NKAIN2: variants seen among roughly 807,000 people sequenced by gnomAD.
The protein encoded by NKAIN2 is sodium/potassium transporting ATPase interacting 2, also known as sodium/potassium-transporting ATPase subunit beta-1-interacting protein 2.
In NKAIN2, 14 loss-of-function variants were observed where a neutral mutation model predicts 32.6. The ratio of observed to expected loss-of-function variants is 0.43; its 90% CI spans 0.28 to 0.67. NKAIN2 has a LOEUF of 0.67. Among genes scored for constraint, NKAIN2 ranks in the 30% least tolerant of loss-of-function variants. The pLI is 0.17. For synonymous variants in NKAIN2, 80 were observed against 87.2 expected (o/e 0.92, Z 0.46); for missense variants, 198 against 258.3 (o/e 0.77, Z 1.60).
rs184092310 is a variant in NKAIN2, at chr6:124,762,403, C to T, written c.475-28936C>T. Among the ~76,000 whole-genome samples, 386 of 152,190 alleles carry T rather than the reference C, an allele frequency of 2.5e-3. 4 individuals carry two copies. Among genetic ancestry groups the T allele is most frequent in the Non-Finnish European group, 4.3e-3 (293 of 67,994 alleles). On this transcript the variant is annotated intron_variant, in intron 4 of 6. Transcript: ENST00000368417. ...TAAAGGACACACCTCTAAATATAGT[C>T]ATATTCTGAGGTACTGGGCTGAGGG...
At chr6:123,849,571 C>T (rs994736818) in intron 1 of NKAIN2, among the ~76,000 whole-genome samples, 5 of 152,064 alleles carry the variant, frequency 3.3e-5, no homozygotes, top group African/African-American at 1.2e-4. Context: ...CATGAACTCC[C>T]TGCACTTTCC....
intron 3 of NKAIN2, among the ~76,000 whole-genome samples, chr6:124,627,149 A>T (rs1200698938): frequency 6.6e-6 from 1 of 152,072 alleles, no homozygotes; most frequent in Admixed American, 6.6e-5. Flanking sequence ...GCGCAGCTGT[A>T]ATCCCAGCTA....
chr6:124,107,620 C>T (rs757200134), intron 1 of NKAIN2, among the ~76,000 whole-genome samples: 17 of 152,056 alleles, frequency 1.1e-4, no homozygotes, highest in Non-Finnish European at 1.9e-4. Context: ...ATAGGCACAA[C>T]GTTGCATGCA....
chr6:124,755,036 T>C (rs1489847931), intron 4 of NKAIN2, among the ~76,000 whole-genome samples: 1 of 151,974 alleles, frequency 6.6e-6, no homozygotes, highest in Non-Finnish European at 1.5e-5. Context: ...CAAGGCGAAA[T>C]CCCATGATAG....
In NKAIN2 at chr6:124,520,203, G is replaced by GA. The variant is rs1191116479; in HGVS notation, c.274-137975dup. On this transcript the variant is annotated intron_variant, in intron 3 of 6. Transcript: ENST00000368417. ...GAATTTAGCTTCTAGGAAGAAATGG[G>GA]AAAAAAAAGAAAAGAAAAAGAGAGA... 7.3e-5 allele frequency among the ~76,000 whole-genome samples: 11 copies of GA among 151,598 alleles called. No homozygotes were observed. In the East Asian group the frequency reaches 1.9e-3, roughly 27 times the overall value.
At chr6:123,869,320 T>C (rs1036330069) in intron 1 of NKAIN2, among the ~76,000 whole-genome samples, 9 of 152,194 alleles carry the variant, frequency 5.9e-5, no homozygotes, top group Admixed American at 1.3e-4. Context: ...CATTAGCTCT[T>C]TTACAGCTAT....
Position 124,040,665 on chromosome 6 carries a change from A to C in NKAIN2, c.54+236411A>C, listed in dbSNP as rs950330412. Among the ~76,000 whole-genome samples the C allele has an allele frequency of 7.9e-5, 12 of 151,992 alleles. 1 individual carries two copies. Among genetic ancestry groups the C allele is most frequent in the Non-Finnish European group, 5.9e-5 (4 of 67,928 alleles). On this transcript the variant is annotated intron_variant, in intron 1 of 6. Transcript: ENST00000368417. ...GATATTATGGAATGAACACCAGATAACTATGATATAGGTGTTTTCAGGTAA... is the reference window on the plus strand; with the variant it reads ...GATATTATGGAATGAACACCAGATACCTATGATATAGGTGTTTTCAGGTAA...
intron 2 of NKAIN2, among the ~76,000 whole-genome samples, chr6:124,342,964 A>C (rs1399277720): frequency 6.8e-6 from 1 of 147,192 alleles, no homozygotes; most frequent in East Asian, 2.1e-4. Context: ...TATATCTCCT[A>C]ATGCTATCCC....
Position 124,465,264 on chromosome 6 carries a change from C to T in NKAIN2, c.273+109917C>T, listed in dbSNP as rs191032039. 7.3e-4 allele frequency among the ~76,000 whole-genome samples: 111 copies of T among 152,072 alleles called. 4 individuals carry two copies. The East Asian group carries it at 0.018, about 24-fold the overall frequency. On this transcript the variant is annotated intron_variant, in intron 3 of 6. Coordinates refer to ENST00000368417, the MANE Select transcript of NKAIN2 (RefSeq NM_001040214.3). ...CGATCAATGGTAGACTGGATAAAGA[C>T]AATGTGGCACATATACACCATGGAA...
intron 1 of NKAIN2, among the ~76,000 whole-genome samples, chr6:124,187,539 C>A (rs908957308): frequency 6.6e-6 from 1 of 152,042 alleles, no homozygotes; most frequent in African/African-American, 2.4e-5. Flanking sequence ...CTACTTTAGG[C>A]GTATTGAAGC....
intron 1 of NKAIN2, among the ~76,000 whole-genome samples, chr6:123,957,942 G>A (rs1462804812): frequency 6.6e-6 from 1 of 152,046 alleles, no homozygotes; most frequent in Non-Finnish European, 1.5e-5. Context: ...CTGCTCTTAT[G>A]GTTAGGTTGG....
intron 3 of NKAIN2, among the ~76,000 whole-genome samples, chr6:124,559,538 C>T (rs1056456519): frequency 5.3e-5 from 8 of 152,180 alleles, no homozygotes; most frequent in African/African-American, 1.9e-4. Context: ...TCCCAACTTT[C>T]CCTTCATTCT....
chr6:124,706,941 C>T (rs1583684396), intron 4 of NKAIN2, among the ~76,000 whole-genome samples: 4 of 152,034 alleles, frequency 2.6e-5, no homozygotes, highest in South Asian at 4.2e-4. Flanking sequence ...GCTGCACCCA[C>T]TAACTCGTCA....
chr6:123,998,741 CTCTGTG>C (rs1384237780), intron 1 of NKAIN2, among the ~76,000 whole-genome samples: 21 of 132,676 alleles, frequency 1.6e-4, no homozygotes, highest in Admixed American at 3.9e-4. Context: ...CTCTCTCTCT[CTCTGTG>C]TGTGTGTGTG....
At chr6:124,068,786 C>T (rs753789410) in intron 1 of NKAIN2, among the ~76,000 whole-genome samples, 3 of 151,652 alleles carry the variant, frequency 2.0e-5, no homozygotes, top group Admixed American at 6.6e-5. Context: ...ACCACCGTAA[C>T]TACACCATAT....
chr6:124,413,991 T>C (rs536447795), intron 3 of NKAIN2, among the ~76,000 whole-genome samples: 2 of 151,686 alleles, frequency 1.3e-5, no homozygotes, highest in Admixed American at 6.6e-5. Context: ...TTTTACTTTT[T>C]TCTGTTGAAC....
chr6:124,097,931 A>T (rs944815308), intron 1 of NKAIN2, among the ~76,000 whole-genome samples: 1 of 152,096 alleles, frequency 6.6e-6, no homozygotes, highest in Non-Finnish European at 1.5e-5. Context: ...GATATCTTGG[A>T]TATTATTTAG....
intron 6 of NKAIN2, chr6:124,819,053 C>A: frequency 2.1e-6 from 1 of 479,960 alleles, no homozygotes; most frequent in Non-Finnish European, 2.7e-6. Context: ...AGCAGACATA[C>A]AATCAGAGCC....
At chr6:124,516,651 G>A (rs1379650758) in intron 3 of NKAIN2, among the ~76,000 whole-genome samples, 1 of 152,106 alleles carries the variant, frequency 6.6e-6, no homozygotes, top group Non-Finnish European at 1.5e-5. Context: ...CCAAGGTTGT[G>A]TGTGGATATG....
Sources: gnomAD v4.1 joint callset for allele counts (sites outside exome capture counted in the v4.1 genomes callset) on GRCh38, gnomAD v4.1.1 for gene constraint, MANE v1.5 for transcripts, NCBI Gene and HGNC (gene_info 2026-07-23, HGNC 2026-07-21) for gene names.